The following COL11A2 variants were observed in gnomAD, a reference collection of about 807,000 sequenced individuals.
COL11A2 encodes the protein collagen alpha-2(XI) chain.
Under a neutral mutation model 273.4 loss-of-function variants are expected in COL11A2, and 116 were observed. That is an observed-to-expected ratio of 0.42 (90% CI 0.36 to 0.49). COL11A2 has a LOEUF of 0.49. COL11A2 is among the 20% of genes least tolerant of loss of function. The pLI is 0.00. For synonymous variants in COL11A2, 782 were observed against 864.2 expected, an observed-to-expected ratio of 0.90 and a Z score of 1.67; for missense variants, 1,866 against 2,309.0, an observed-to-expected ratio of 0.81 and a Z score of 3.93.
At position 33,177,012 on chromosome 6, in the gene COL11A2, G is replaced by T. The variant is rs1250036373; in HGVS notation, c.2050C>A (p.Pro684Thr). ...CTCACCGGGGGTCCGTCTGAGCCAG[G>T]CATGCCGGGGAGCCCTGGCTTCCCT... is the stretch of plus-strand genomic sequence containing the variant. ...PQGKPGLPGMPGSDGPPGHPG... is the reference protein window; with the variant it reads ...PQGKPGLPGMTGSDGPPGHPG... Residue 684 changes from proline (P) to threonine (T), a missense_variant, in exon 25 of 66, where the codon CCT becomes ACT. By Grantham distance (38) the Pro-to-Thr change is conservative. Transcript: ENST00000341947. The surrounding 1 kb of genome is among the most constrained non-coding windows in gnomAD (Gnocchi z 5.9). 1 of 1,611,938 alleles carries T rather than the reference G, an allele frequency of 6.2e-7. No individual in the cohort carries two copies. Among genetic ancestry groups the T allele is most frequent in the Non-Finnish European group, 8.5e-7 (1 of 1,179,488 alleles).
Position 33,174,233 on chromosome 6 carries a change from GA to G in COL11A2, c.2431-16del, listed in dbSNP as rs1228411870. 1.3e-6 allele frequency: 2 copies of G among 1,551,334 alleles called. No homozygotes were observed. The highest frequency in any genetic ancestry group is 1.4e-5 in the African/African-American group (1 of 69,260). On this transcript the variant is annotated splice_polypyrimidine_tract_variant and intron_variant, in intron 31 of 65. Coordinates refer to ENST00000341947, the MANE Select transcript of COL11A2 (RefSeq NM_080680.3). ...CCTAGGGACCCCTGGTGAGAACGGA[GA>G]AGGGGGGAAATTGAGAAGTTATGAA...
chr6:33,170,884 G>A lies in COL11A2; in HGVS notation c.3400C>T (p.Gln1134Ter). 6.2e-7 allele frequency: 1 copy of A among 1,612,948 alleles called. No individual in the cohort carries two copies. The highest frequency in any genetic ancestry group is 8.5e-7 in the Non-Finnish European group (1 of 1,179,986). ...TCACCTTTGGCTCCAAAGTGTCCCT[G>A]GGGTCCCCGAGCTCCGGGCTCCCCA... ...ADGEPGARGP[Q>*]GHFGAKGDEG... The change falls in exon 46 of 66, where the codon CAG becomes TAG. Residue 1134 changes from glutamine to a stop codon, truncating the protein, a stop_gained. Transcript: ENST00000341947. LOFTEE classifies it high-confidence loss of function. The surrounding 1 kb of genome is among the most constrained non-coding windows in gnomAD (Gnocchi z 4.3).
In COL11A2 at chr6:33,170,696, C is replaced by G; in HGVS notation, c.3475-86G>C. Reference sequence around the variant, plus strand: ...CAGATAGGCCCCACAGTCCCCTCCCCTCAGACTCCGCAGGCCCTCCAGTCT... The same window carrying G: ...CAGATAGGCCCCACAGTCCCCTCCCGTCAGACTCCGCAGGCCCTCCAGTCT... On this transcript the variant is annotated intron_variant, in intron 46 of 65. Coordinates refer to ENST00000341947, the MANE Select transcript of COL11A2 (RefSeq NM_080680.3). The surrounding 1 kb of genome is among the most constrained non-coding windows in gnomAD (Gnocchi z 4.3). The G allele has an allele frequency of 1.3e-6, 2 of 1,591,192 alleles. No individual in the cohort carries two copies. The highest frequency in any genetic ancestry group is 3.3e-4 in the Middle Eastern group (2 of 6,032).
At chr6:33,184,890 G>T in intron 7 of COL11A2, 102 bp downstream of exon 7, 1 of 964,956 alleles carries the variant, frequency 1.0e-6, no homozygotes, top group Non-Finnish European at 1.6e-6. Context: ...AGAACCCTCC[G>T]GCCAGAGGAG....
Position 33,176,493 on chromosome 6 carries a change from G to T in COL11A2, c.2116-7C>A. On this transcript the variant is annotated splice_polypyrimidine_tract_variant and splice_region_variant and intron_variant, in intron 26 of 65. Transcript: ENST00000341947. The surrounding 1 kb of genome is among the most constrained non-coding windows in gnomAD (Gnocchi z 4.9). Reference sequence around the variant, plus strand: ...CCTGAGGTCCAGAGGGACCCTGGAAGATAAAAGAGAGGCATTTATAAAGGG... The same window carrying T: ...CCTGAGGTCCAGAGGGACCCTGGAATATAAAAGAGAGGCATTTATAAAGGG... The T allele has an allele frequency of 6.2e-7, 1 of 1,611,888 alleles. No individual in the cohort carries two copies. Among genetic ancestry groups the T allele is most frequent in the Non-Finnish European group, 8.5e-7 (1 of 1,179,160 alleles).
chr6:33,171,061 G>C, intron 45 of COL11A2, 53 bp downstream of exon 45: 1 of 1,576,604 alleles, frequency 6.3e-7, no homozygotes, highest in Non-Finnish European at 8.6e-7. Context: ...GAGGGGAGCT[G>C]AGGGAGGACC....
chr6:33,167,688 T>C lies in COL11A2; in HGVS notation c.4014+111A>G, dbSNP rs1215303913. 5.4e-6 allele frequency: 8 copies of C among 1,494,818 alleles called. No individual in the cohort carries two copies. Among genetic ancestry groups the C allele is most frequent in the Non-Finnish European group, 1.8e-6 (2 of 1,084,020 alleles). The allele number at this position is 1,494,818 out of a possible 1,614,324, so 92.6% of individuals were successfully genotyped here. ...CAAGTACAGGGAACGCCTGTCCCCA[T>C]AAGGGCCCAACATGGGAGAGGTGGA... On this transcript the variant is annotated intron_variant, in intron 55 of 65. Coordinates refer to ENST00000341947, the MANE Select transcript of COL11A2 (RefSeq NM_080680.3). This position sits in a 1 kb window ranked among gnomAD's most constrained non-coding sequence, Gnocchi z 6.1.
chr6:33,176,992 C>T lies in COL11A2; in HGVS notation c.2070G>A (p.Pro690=), dbSNP rs575638692. ...LPGMPGSDGP[P]GHPGKEGPPG... is the part of the protein sequence containing the mutation. ...GATTCGGAAGTGGGGTCCCACTCAC[C>T]GGGGGTCCGTCTGAGCCAGGCATGC... is the stretch of plus-strand genomic sequence containing the variant. Residue 690 remains proline (P), a splice_region_variant and synonymous_variant, in exon 25 of 66, where the codon CCG becomes CCA. Transcript: ENST00000341947. This position sits in a 1 kb window ranked among gnomAD's most constrained non-coding sequence, Gnocchi z 4.9. 6.2e-6 allele frequency: 10 copies of T among 1,610,756 alleles called. No homozygotes were observed. Among genetic ancestry groups the T allele is most frequent in the East Asian group, 2.2e-5 (1 of 44,782 alleles).
Position 33,185,742 on chromosome 6 carries a change from A to C in COL11A2, c.835T>G (p.Tyr279Asp). 7.5e-7 allele frequency: 1 copy of C among 1,335,380 alleles called. No individual in the cohort carries two copies. The highest frequency in any genetic ancestry group is 1.1e-5 in the South Asian group (1 of 87,020). 82.7% of individuals were successfully genotyped at this position (1,335,380 alleles called of 1,614,324 possible). A position where few individuals can be genotyped will look rare whatever the true frequency, so the allele number is the denominator to read the frequency against. ...GTCCCCGTAGTCATCACATCATAAT[A>C]GGGGGGCTCGTAGTCATAGTAGAGA... ...ESLYYDYEPP[Y>D]YDVMTTGTTP... Residue 279 changes from tyrosine (Y) to aspartate (D), a missense_variant, in exon 6 of 66, where the codon TAT becomes GAT. By Grantham distance (160) the Tyr-to-Asp change is radical. Coordinates refer to ENST00000341947, the MANE Select transcript of COL11A2 (RefSeq NM_080680.3).
Position 33,179,508 on chromosome 6 carries a change from C to G in COL11A2, c.1447-21G>C. The G allele has an allele frequency of 1.9e-6, 3 of 1,552,494 alleles. No individual in the cohort carries two copies. The highest frequency in any genetic ancestry group is 2.6e-6 in the Non-Finnish European group (3 of 1,146,442). On this transcript the variant is annotated intron_variant, in intron 13 of 65. Transcript: ENST00000341947. This position sits in a 1 kb window ranked among gnomAD's most constrained non-coding sequence, Gnocchi z 6.4. ...GCCAGCTAGGGGAGCAGGGGGACAGCAGAGCTGAGGGACAGGCAGTGGGAA... is the reference window on the plus strand; with the variant it reads ...GCCAGCTAGGGGAGCAGGGGGACAGGAGAGCTGAGGGACAGGCAGTGGGAA...
rs187535031 is a variant in COL11A2 at position 33,171,682 on chromosome 6, C to T, written c.3150+31G>A. 3.1e-5 allele frequency: 49 copies of T among 1,605,694 alleles called. No homozygotes were observed. In the East Asian group the frequency reaches 1.1e-3, roughly 35 times the overall value. On this transcript the variant is annotated intron_variant, in intron 42 of 65. Transcript: ENST00000341947. ...AACCCTAGGCTCACAGACCCCTCCC[C>T]AGTACCCCTCCCCAATACCCCCACA...
rs1562311208 is a variant in COL11A2 at position 33,166,721 on chromosome 6, ATC to A, written c.4335_4336del (p.Glu1445AspfsTer81). 1.2e-6 allele frequency: 2 copies of A among 1,613,470 alleles called. No individual in the cohort carries two copies. The highest frequency in any genetic ancestry group is 1.7e-6 in the Non-Finnish European group (2 of 1,179,920). ...TCCGGGACCATGCCCTCTACTCACC[ATC>A]TCACCCTTCTGCCCAGGGGAGCCCT... is the stretch of plus-strand genomic sequence containing the variant. On this transcript the variant is annotated frameshift_variant and splice_region_variant, in exon 59 of 66. Transcript: ENST00000341947. LOFTEE classifies it high-confidence loss of function. This position sits in a 1 kb window ranked among gnomAD's most constrained non-coding sequence, Gnocchi z 4.8.
At chr6:33,186,257 T>C (rs2150610692) in intron 5 of COL11A2, among the ~76,000 whole-genome samples, 1 of 152,076 alleles carries the variant, frequency 6.6e-6, no homozygotes, top group East Asian at 1.9e-4. Flanking sequence ...TCCTCCTCCT[T>C]GGTCTCACCA....
chr6:33,192,384 G>T lies in COL11A2; in HGVS notation c.-144C>A. 1 of 799,554 alleles carries T rather than the reference G, an allele frequency of 1.3e-6. No homozygotes were observed. Among genetic ancestry groups the T allele is most frequent in the Non-Finnish European group, 2.1e-6 (1 of 479,992 alleles). The allele number at this position is 799,554 out of a possible 1,614,324, so 49.5% of individuals were successfully genotyped here. On this transcript the variant is annotated 5_prime_UTR_variant, in exon 1 of 66. It adds an upstream start codon to the 5' untranslated region. Transcript: ENST00000341947. ...AGGTCAGAGGCTGCGGGCAGCGACAGCTGTCAGCGGCCCAGCTCCATGCAG... is the reference window on the plus strand; with the variant it reads ...AGGTCAGAGGCTGCGGGCAGCGACATCTGTCAGCGGCCCAGCTCCATGCAG...
intron 4 of COL11A2, among the ~76,000 whole-genome samples, chr6:33,187,359 G>T (rs941927416): frequency 6.6e-6 from 1 of 152,200 alleles, no homozygotes; most frequent in Non-Finnish European, 1.5e-5. Flanking sequence ...CCATTGCACC[G>T]TAATTTAGGG....
In COL11A2 at chr6:33,168,575, A is replaced by AG. The variant is rs908404495; in HGVS notation, c.3907-4dup. 1 of 1,613,432 alleles carries AG rather than the reference A, an allele frequency of 6.2e-7. No homozygotes were observed. Among genetic ancestry groups the AG allele is most frequent in the African/African-American group, 1.3e-5 (1 of 74,862 alleles). ...TCCCCGGTGGGACCAGGGGATCCCTAGGGAGAGAGGAATTGGGGTGGCTGA... is the reference window on the plus strand; with the variant it reads ...TCCCCGGTGGGACCAGGGGATCCCTAGGGGAGAGAGGAATTGGGGTGGCTGA... On this transcript the variant is annotated splice_region_variant and splice_polypyrimidine_tract_variant and intron_variant, in intron 53 of 65. Coordinates refer to ENST00000341947, the MANE Select transcript of COL11A2 (RefSeq NM_080680.3).
At position 33,167,883 on chromosome 6, in the gene COL11A2, G is replaced by T. The variant is rs781701256; in HGVS notation, c.3961-31C>A. ...GGTGGAGTGGGAAGGAAGAGCACAT[G>T]AGGCCGTGGGCAGCCAGGCTCAACT... On this transcript the variant is annotated intron_variant, in intron 54 of 65. Coordinates refer to ENST00000341947, the MANE Select transcript of COL11A2 (RefSeq NM_080680.3). The surrounding 1 kb of genome is among the most constrained non-coding windows in gnomAD (Gnocchi z 6.1). 5.6e-6 allele frequency: 9 copies of T among 1,612,234 alleles called. No individual in the cohort carries two copies. In the Admixed American group the frequency reaches 1.5e-4, roughly 27 times the overall value.
At position 33,169,775 on chromosome 6, in the gene COL11A2, C is replaced by T; in HGVS notation, c.3690+56G>A. 6.2e-7 allele frequency: 1 copy of T among 1,606,230 alleles called. No individual in the cohort carries two copies. The highest frequency in any genetic ancestry group is 1.7e-5 in the Admixed American group (1 of 59,988). On this transcript the variant is annotated intron_variant, in intron 50 of 65. Coordinates refer to ENST00000341947, the MANE Select transcript of COL11A2 (RefSeq NM_080680.3). This position sits in a 1 kb window ranked among gnomAD's most constrained non-coding sequence, Gnocchi z 5.5. ...AAGGAGGTCACAGGAAAAGTGGAGG[C>T]AGGGTTGAGGCGGGTGACGGGGACT...
rs750541299 is a variant in COL11A2, at chr6:33,167,494, G to C, written c.4054C>G (p.Pro1352Ala). Residue 1352 changes from proline to alanine, a missense_variant, in exon 56 of 66, where the codon CCG becomes GCG. Pro to Ala is a conservative substitution (Grantham distance 27). Coordinates refer to ENST00000341947, the MANE Select transcript of COL11A2 (RefSeq NM_080680.3). The surrounding 1 kb of genome is among the most constrained non-coding windows in gnomAD (Gnocchi z 6.1). ...CCTGCTGGGCCTGCAGGACCCACCGGGCCTGTCTTCCCCGGGGCACCTATA... is the reference window on the plus strand; with the variant it reads ...CCTGCTGGGCCTGCAGGACCCACCGCGCCTGTCTTCCCCGGGGCACCTATA... ...GAIGAPGKTG[P>A]VGPAGPAGKP... is the part of the protein sequence containing the mutation. 1.2e-6 allele frequency: 2 copies of C among 1,612,858 alleles called. No homozygotes were observed. The highest frequency in any genetic ancestry group is 2.2e-5 in the South Asian group (2 of 91,084).
Sources: gnomAD v4.1 joint callset for allele counts (sites outside exome capture counted in the v4.1 genomes callset) on GRCh38, gnomAD v4.1.1 for gene constraint, Gnocchi (gnomAD v3.1) non-coding constraint, MANE v1.5 for transcripts, NCBI Gene and HGNC (gene_info 2026-07-23, HGNC 2026-07-21) for gene names.